FGF12: variants seen among roughly 807,000 people sequenced by gnomAD.
FGF12 encodes fibroblast growth factor 12.
A neutral mutation model predicts 23.6 loss-of-function variants in FGF12; 14 were observed. The ratio of observed to expected loss-of-function variants is 0.59; its 90% confidence interval spans 0.39 to 0.93. The LOEUF is 0.93. Among genes scored for constraint, FGF12 ranks in the 40% least tolerant of loss-of-function variants. The pLI is 0.00. For missense variants in FGF12, 175 were observed against 217.8 expected (o/e 0.80, Z 1.24); for synonymous variants, 62 against 77.3 (o/e 0.80, Z 1.04).
At chr3:192,335,334 C>G (rs960726434) in intron 4 of FGF12, 27 bp downstream of exon 4, 1 of 1,477,324 alleles carries the variant, frequency 6.8e-7, no homozygotes, top group Non-Finnish European at 9.5e-7. Flanking sequence ...CACACATACA[C>G]ACAAATACAC....
chr3:192,263,485 T>C (rs141026522), intron 4 of FGF12, among the ~76,000 whole-genome samples: 1 of 151,668 alleles, frequency 6.6e-6, no homozygotes, highest in African/African-American at 2.4e-5. Flanking sequence ...ATACCACTGG[T>C]TTTCAATCAA....
chr3:192,700,262 T>A (rs578251737), intron 2 of FGF12, among the ~76,000 whole-genome samples: 10 of 152,244 alleles, frequency 6.6e-5, no homozygotes, highest in African/African-American at 2.2e-4. Flanking sequence ...CCAAGTAATA[T>A]AACATATAAA....
intron 3 of FGF12, among the ~76,000 whole-genome samples, chr3:192,341,165 C>T (rs115539138): frequency 0.017 from 2,555 of 152,128 alleles, 64 homozygotes; most frequent in African/African-American, 0.059. Context: ...CTTGAACAGA[C>T]ATTTCTCAAG....
rs549705781 is a variant in FGF12, at chr3:192,336,278, C to A, written c.125-814G>T. Reference sequence around the variant, plus strand: ...CATCCTAAGATGAAATGGAAACATGCTTGCAGTCTTTACATATTCGAGTTG... The same window carrying A: ...CATCCTAAGATGAAATGGAAACATGATTGCAGTCTTTACATATTCGAGTTG... On this transcript the variant is annotated intron_variant, in intron 3 of 5. Coordinates refer to ENST00000445105, the MANE Select transcript of FGF12 (RefSeq NM_004113.6). This position sits in a 1 kb window ranked among gnomAD's most constrained non-coding sequence, Gnocchi z 4.3. Among the ~76,000 whole-genome samples the A allele has an allele frequency of 3.9e-5, 6 of 152,022 alleles. No homozygotes were observed. The highest frequency in any genetic ancestry group is 3.3e-4 in the Admixed American group (5 of 15,228).
chr3:192,617,005 TA>T (rs1714781856), intron 2 of FGF12, among the ~76,000 whole-genome samples: 2 of 151,912 alleles, frequency 1.3e-5, no homozygotes, highest in South Asian at 4.1e-4. Flanking sequence ...GAAGAGAGGT[TA>T]AAAGTATATT....
At chr3:192,536,883 G>C (rs182883444) in intron 2 of FGF12, among the ~76,000 whole-genome samples, 1 of 150,892 alleles carries the variant, frequency 6.6e-6, no homozygotes, top group Non-Finnish European at 1.5e-5. Context: ...TTCTGCTATC[G>C]AATACTAGAT....
chr3:192,440,504 C>T (rs549551025), intron 2 of FGF12, among the ~76,000 whole-genome samples: 3 of 152,246 alleles, frequency 2.0e-5, no homozygotes, highest in Non-Finnish European at 4.4e-5. Flanking sequence ...ATACCATCCA[C>T]GGAATGTAGC....
intron 2 of FGF12, among the ~76,000 whole-genome samples, chr3:192,671,517 T>C (rs1278571945): frequency 1.3e-5 from 2 of 152,182 alleles, no homozygotes; most frequent in African/African-American, 2.4e-5. Context: ...GGTAGACGCA[T>C]GGGACTAATA....
chr3:192,590,007 G>GA (rs1007818567), intron 2 of FGF12, among the ~76,000 whole-genome samples: 4 of 151,692 alleles, frequency 2.6e-5, no homozygotes, highest in African/African-American at 9.7e-5. Context: ...ACACAGATGA[G>GA]AAAAAAATGA....
intron 2 of FGF12, among the ~76,000 whole-genome samples, chr3:192,390,490 CAGGGATTCAAGAAA>C (rs573381353): frequency 2.6e-5 from 4 of 152,258 alleles, no homozygotes; most frequent in African/African-American, 9.6e-5. Flanking sequence ...GAAGAATAAT[CAGGGATTCAAGAAA>C]AGGGAGGTTG....
intron 5 of FGF12, among the ~76,000 whole-genome samples, chr3:192,147,521 A>C (rs971339487): frequency 6.6e-5 from 10 of 152,206 alleles, no homozygotes; most frequent in African/African-American, 2.4e-4. Flanking sequence ...ATATGTGCAA[A>C]ACGTAAACGA....
chr3:192,541,199 TC>T (rs1310351504), intron 2 of FGF12, among the ~76,000 whole-genome samples: 1 of 152,184 alleles, frequency 6.6e-6, no homozygotes, highest in African/African-American at 2.4e-5. Flanking sequence ...GGTCTTCTCT[TC>T]CTTCTTTCCT....
At chr3:192,251,287 C>T (rs2083155290) in intron 4 of FGF12, among the ~76,000 whole-genome samples, 1 of 152,174 alleles carries the variant, frequency 6.6e-6, no homozygotes, top group Admixed American at 6.5e-5. Context: ...TGAGAACCCA[C>T]TTTGATTCTG....
chr3:192,518,946 CCTT>C (rs1456953061), intron 2 of FGF12, among the ~76,000 whole-genome samples: 3 of 151,770 alleles, frequency 2.0e-5, no homozygotes, highest in African/African-American at 4.9e-5. Flanking sequence ...TTCGTTATCT[CCTT>C]CTATTATTTT....
intron 4 of FGF12, among the ~76,000 whole-genome samples, chr3:192,231,518 C>T (rs1719019182): frequency 6.6e-6 from 1 of 152,026 alleles, no homozygotes; most frequent in Admixed American, 6.6e-5. Flanking sequence ...GCCTGTAATC[C>T]CAGCACTGTG....
intron 2 of FGF12, among the ~76,000 whole-genome samples, chr3:192,378,026 TTTTCTTTCTTTCTTTCTTTCTTTC>T (rs202170804): frequency 0.019 from 1,331 of 69,422 alleles, 85 homozygotes; most frequent in East Asian, 0.15. Flanking sequence ...TGACTCTTTC[TTTTCTTTCTTTCTTTCTTTCTTTC>T]TTTCTTTCTT....
In FGF12 at chr3:192,170,663, GAAAA is replaced by G. The variant is rs34265167; in HGVS notation, c.229-11_229-8del. 6.3e-6 allele frequency: 9 copies of G among 1,438,752 alleles called. No homozygotes were observed. Among genetic ancestry groups the G allele is most frequent in the Admixed American group, 2.2e-5 (1 of 45,818 alleles). 89.1% of individuals were successfully genotyped at this position (1,438,752 alleles called of 1,614,324 possible). On this transcript the variant is annotated splice_region_variant and splice_polypyrimidine_tract_variant and intron_variant, in intron 4 of 5. Transcript: ENST00000445105. ...ATTCTGGAGTGAAAACATCCTGTAG[GAAAA>G]AAAAAAAAAGACACAAAAAAGAGAA...
At chr3:192,467,878 G>A (rs1408221837) in intron 2 of FGF12, among the ~76,000 whole-genome samples, 1 of 152,140 alleles carries the variant, frequency 6.6e-6, no homozygotes, top group Non-Finnish European at 1.5e-5. Flanking sequence ...TCTAGAAGAG[G>A]CTCTAAAAGA....
intron 2 of FGF12, among the ~76,000 whole-genome samples, chr3:192,489,717 C>T (rs1489134060): frequency 6.6e-6 from 1 of 151,988 alleles, no homozygotes; most frequent in Non-Finnish European, 1.5e-5. Context: ...ACTGCAACAA[C>T]TATCTTGAGA....
Sources: allele counts gnomAD v4.1 joint callset (sites outside exome capture counted in the v4.1 genomes callset), GRCh38; gene constraint gnomAD v4.1.1; non-coding constraint Gnocchi (gnomAD v3.1); transcripts MANE v1.5; gene names NCBI Gene and HGNC (gene_info 2026-07-23, HGNC 2026-07-21).